GABBR2: variants seen among roughly 807,000 people sequenced by gnomAD.
The protein encoded by GABBR2 is G-protein coupled receptor 51.
GABBR2 carries 23 observed loss-of-function variants against 105.6 expected under a neutral mutation model. The observed-to-expected ratio is 0.22, with a 90% CI of 0.16 to 0.31. The LOEUF is 0.31. Ranked by LOEUF, GABBR2 falls within the 10% of genes least tolerant of loss-of-function variation. GABBR2 has a pLI of 1.00. For synonymous variants in GABBR2, 478 were observed against 499.7 expected, an observed-to-expected ratio of 0.96 and a Z score of 0.58; for missense variants, 734 against 1,245.5, an observed-to-expected ratio of 0.59 and a Z score of 6.18.
At chr9:98,354,304 A>G (rs1831450455) in intron 13 of GABBR2, among the ~76,000 whole-genome samples, 1 of 152,212 alleles carries the variant, frequency 6.6e-6, no homozygotes, top group African/African-American at 2.4e-5. Flanking sequence ...GAAATGGGAA[A>G]TGGGCACTGG....
Position 98,639,508 on chromosome 9 carries a change from CA to C in GABBR2, c.322-61437del. On this transcript the variant is annotated intron_variant, in intron 1 of 18. Coordinates refer to ENST00000259455, the MANE Select transcript of GABBR2 (RefSeq NM_005458.8). ...GGAAAAACAGCACACCTTGCAGCGA[CA>C]CACTTTTCTTACAAATACAACTTAA... is the stretch of plus-strand genomic sequence containing the variant. Among the ~76,000 whole-genome samples, 4 of 152,128 alleles carry C rather than the reference CA, an allele frequency of 2.6e-5. No individual in the cohort carries two copies. In the Middle Eastern group the frequency reaches 0.014, roughly 517 times the overall value.
chr9:98,400,196 T>TAAAA (rs1300092978), intron 8 of GABBR2, among the ~76,000 whole-genome samples: 68 of 132,356 alleles, frequency 5.1e-4, no homozygotes, highest in African/African-American at 1.8e-3. Context: ...TTTTTTTTTT[T>TAAAA]AAAAAAAAAA....
At chr9:98,687,256 C>T (rs932122434) in intron 1 of GABBR2, among the ~76,000 whole-genome samples, 17 of 151,614 alleles carry the variant, frequency 1.1e-4, no homozygotes, top group African/African-American at 3.9e-4. Context: ...AGGTCACGGA[C>T]GGAACATTAC....
chr9:98,366,967 AAAGACTG>A (rs1831687946), intron 12 of GABBR2, among the ~76,000 whole-genome samples: 2 of 152,262 alleles, frequency 1.3e-5, no homozygotes, highest in South Asian at 4.1e-4. Flanking sequence ...GAGGCAAAAT[AAAGACTG>A]TAATAAAACT....
intron 10 of GABBR2, among the ~76,000 whole-genome samples, chr9:98,386,334 A>C (rs1420548771): frequency 1.3e-5 from 2 of 151,670 alleles, no homozygotes; most frequent in Non-Finnish European, 2.9e-5. Context: ...CCCAGCCTTG[A>C]GTAGACCATG....
chr9:98,353,827 C>T (rs143627062), intron 13 of GABBR2, among the ~76,000 whole-genome samples: 1 of 152,224 alleles, frequency 6.6e-6, no homozygotes, highest in East Asian at 1.9e-4. Context: ...GGCGGAATTC[C>T]CCCATGCTGT....
At chr9:98,397,420 T>C (rs556644427) in intron 8 of GABBR2, among the ~76,000 whole-genome samples, 9 of 152,132 alleles carry the variant, frequency 5.9e-5, no homozygotes, top group Admixed American at 5.2e-4. Context: ...ATTTTTTTTT[T>C]AAATCACAAT....
At chr9:98,460,305 C>T (rs1209506899) in intron 6 of GABBR2, among the ~76,000 whole-genome samples, 1 of 152,016 alleles carries the variant, frequency 6.6e-6, no homozygotes, top group Non-Finnish European at 1.5e-5. Context: ...ATTGCTTGAA[C>T]CTGGGAGGTG....
intron 7 of GABBR2, among the ~76,000 whole-genome samples, chr9:98,452,472 A>G (rs1826249078): frequency 6.6e-6 from 1 of 152,248 alleles, no homozygotes; most frequent in Non-Finnish European, 1.5e-5. Context: ...GATTAGCTAT[A>G]GTACTTAAAT....
intron 1 of GABBR2, among the ~76,000 whole-genome samples, chr9:98,682,865 A>G (rs1249747411): frequency 6.9e-6 from 1 of 144,852 alleles, no homozygotes; most frequent in Non-Finnish European, 1.5e-5. Context: ...CAACTGCCCA[A>G]TTGACAGAGC....
intron 13 of GABBR2, among the ~76,000 whole-genome samples, chr9:98,323,386 T>G (rs531385485): frequency 2.6e-5 from 4 of 152,340 alleles, no homozygotes; most frequent in South Asian, 2.1e-4. Flanking sequence ...CTGCCATAAA[T>G]TAGACTTGAT....
At chr9:98,443,973 G>T (rs900367129) in intron 7 of GABBR2, among the ~76,000 whole-genome samples, 1 of 152,202 alleles carries the variant, frequency 6.6e-6, no homozygotes, top group African/African-American at 2.4e-5. Flanking sequence ...ATGAATGCTG[G>T]TTGAATTAAT....
intron 2 of GABBR2, among the ~76,000 whole-genome samples, chr9:98,550,263 A>G (rs985534345): frequency 1.3e-5 from 2 of 152,204 alleles, no homozygotes; most frequent in African/African-American, 4.8e-5. Context: ...TTGCCCAACA[A>G]AGCAAATTGG....
At chr9:98,594,752 G>C (rs1414378622) in intron 1 of GABBR2, among the ~76,000 whole-genome samples, 1 of 152,222 alleles carries the variant, frequency 6.6e-6, no homozygotes, top group Non-Finnish European at 1.5e-5. Context: ...CATCTGATAG[G>C]GGAGCTCACA....
chr9:98,658,828 A>G (rs1219479145), intron 1 of GABBR2, among the ~76,000 whole-genome samples: 1 of 152,108 alleles, frequency 6.6e-6, no homozygotes, highest in Non-Finnish European at 1.5e-5. Flanking sequence ...GAGACCCCCA[A>G]CTCACCCAGA....
intron 2 of GABBR2, among the ~76,000 whole-genome samples, chr9:98,573,999 G>A (rs531283573): frequency 1.3e-5 from 2 of 152,300 alleles, no homozygotes; most frequent in East Asian, 1.9e-4. Flanking sequence ...CTTTTTGAGC[G>A]GGGAATGGGC....
At chr9:98,373,982 T>C (rs1831830465) in intron 11 of GABBR2, among the ~76,000 whole-genome samples, 1 of 150,664 alleles carries the variant, frequency 6.6e-6, no homozygotes. Flanking sequence ...CTCAGTCTCC[T>C]GAGTATCTGG....
At chr9:98,325,749 A>G in intron 13 of GABBR2, among the ~76,000 whole-genome samples, 1 of 152,222 alleles carries the variant, frequency 6.6e-6, no homozygotes. Context: ...GTTATCTGGC[A>G]GCCAAACCAC....
chr9:98,546,411 A>G (rs540480569), intron 2 of GABBR2, among the ~76,000 whole-genome samples: 3 of 152,212 alleles, frequency 2.0e-5, no homozygotes, highest in Non-Finnish European at 2.9e-5. Flanking sequence ...TTGAGCATAA[A>G]TGTTCATCAC....
Sources: gnomAD v4.1 joint callset for allele counts (sites outside exome capture counted in the v4.1 genomes callset) on GRCh38, gnomAD v4.1.1 for gene constraint, MANE v1.5 for transcripts, NCBI Gene and HGNC (gene_info 2026-07-23, HGNC 2026-07-21) for gene names.